Variants in ZNF608 observed in about 807,000 individuals in gnomAD.
The protein encoded by ZNF608 is renal carcinoma antigen NY-REN-36.
In ZNF608, 12 loss-of-function variants were observed where a neutral mutation model predicts 109.0. That is an observed-to-expected ratio of 0.11 (90% CI 0.07 to 0.18). The LOEUF (loss-of-function observed/expected upper bound fraction) is 0.18. Ranked by LOEUF, ZNF608 falls within the 10% of genes least tolerant of loss-of-function variation. The pLI is 1.00. For synonymous variants in ZNF608, 732 were observed against 717.4 expected (o/e 1.02, Z -0.33); for missense variants, 1,707 against 1,879.3 (o/e 0.91, Z 1.70).
chr5:124,655,967 G>T (rs78463432), intron 3 of ZNF608, among the ~76,000 whole-genome samples: 5,636 of 152,238 alleles, frequency 0.037, 158 homozygotes, highest in Non-Finnish European at 0.054. Flanking sequence ...CCCATTACCT[G>T]TGCCAAGTAT....
At chr5:124,671,221 T>C (rs1253187441) in intron 3 of ZNF608, among the ~76,000 whole-genome samples, 3 of 152,100 alleles carry the variant, frequency 2.0e-5, no homozygotes, top group African/African-American at 4.8e-5. Context: ...ACTAAGTAGA[T>C]AATAAAATAT....
At chr5:124,657,038 T>C (rs1428774212) in intron 3 of ZNF608, among the ~76,000 whole-genome samples, 1 of 152,200 alleles carries the variant, frequency 6.6e-6, no homozygotes, top group Non-Finnish European at 1.5e-5. Context: ...CATCTATTTC[T>C]TTCCCATGAA....
At chr5:124,640,912 C>T (rs1181900668) in intron 8 of ZNF608, among the ~76,000 whole-genome samples, 1 of 152,166 alleles carries the variant, frequency 6.6e-6, no homozygotes, top group Non-Finnish European at 1.5e-5. Context: ...TCCCACCATC[C>T]CTCCCTTTTT....
At chr5:124,695,498 T>C (rs1014115864) in intron 3 of ZNF608, among the ~76,000 whole-genome samples, 3 of 152,206 alleles carry the variant, frequency 2.0e-5, no homozygotes, top group Non-Finnish European at 1.5e-5. Flanking sequence ...CTGAGTGAGA[T>C]ACCTCACTAT....
At chr5:124,640,034 C>T (rs1750166317) in intron 8 of ZNF608, among the ~76,000 whole-genome samples, 1 of 152,022 alleles carries the variant, frequency 6.6e-6, no homozygotes, top group Non-Finnish European at 1.5e-5. Flanking sequence ...GTTCTTATTA[C>T]ACTCAATACA....
In ZNF608 at chr5:124,643,580, T is replaced by C. The variant is rs767623316; in HGVS notation, c.4227A>G (p.Thr1409=). The C allele has an allele frequency of 6.2e-7, 1 of 1,614,230 alleles. No individual in the cohort carries two copies. The part of the protein sequence containing the change: ...VNTSPSVNTK[T]TTESKALDLL... The stretch of plus-strand genomic sequence containing the variant: ...AATCCAGTGCTTTAGATTCAGTGGT[T>C]GTTTTCGTGTTGACGCTAGGGCTGG... The change falls in exon 7 of 10, where the codon ACA becomes ACG. Residue 1409 remains threonine (T), a synonymous_variant. Transcript: ENST00000513986.
At chr5:124,732,869 C>CCCT (rs1284123454) in intron 2 of ZNF608, among the ~76,000 whole-genome samples, 1 of 152,136 alleles carries the variant, frequency 6.6e-6, no homozygotes, top group Non-Finnish European at 1.5e-5. Context: ...GTCTTCTAGC[C>CCCT]CCTCTCTCAG....
upstream of ZNF608, chr5:124,748,550 G>A (rs1349165291): frequency 1.0e-6 from 1 of 985,392 alleles, no homozygotes. Context: ...ATTGGATCGA[G>A]TTGACCTTTT....
At chr5:124,712,227 T>A (rs771577461) in intron 2 of ZNF608, among the ~76,000 whole-genome samples, 69 of 151,504 alleles carry the variant, frequency 4.6e-4, no homozygotes, top group Non-Finnish European at 9.7e-4. Flanking sequence ...GGAGGAGAGA[T>A]CAGACTCGGG....
At chr5:124,676,007 C>T (rs1343040258) in intron 3 of ZNF608, among the ~76,000 whole-genome samples, 1 of 152,166 alleles carries the variant, frequency 6.6e-6, no homozygotes, top group Non-Finnish European at 1.5e-5. Flanking sequence ...CAGCTGGCCA[C>T]ACAAAGGCCT....
intron 3 of ZNF608, among the ~76,000 whole-genome samples, chr5:124,688,895 T>C (rs1459538830): frequency 6.6e-6 from 1 of 152,202 alleles, no homozygotes; most frequent in African/African-American, 2.4e-5. Context: ...AAGAAGGCAA[T>C]ATTTAAAAGT....
chr5:124,718,358 G>A (rs922573924), intron 2 of ZNF608, among the ~76,000 whole-genome samples: 4 of 152,204 alleles, frequency 2.6e-5, no homozygotes, highest in Non-Finnish European at 4.4e-5. Context: ...AGCTGTCAAA[G>A]AATCATGAAA....
intron 3 of ZNF608, among the ~76,000 whole-genome samples, chr5:124,688,985 T>C (rs1032749483): frequency 1.3e-5 from 2 of 152,218 alleles, no homozygotes; most frequent in Non-Finnish European, 2.9e-5. Context: ...ATCAATTTCC[T>C]ATACACCAAT....
In ZNF608 at chr5:124,641,276, G is replaced by T. The variant is rs754385666; in HGVS notation, c.4426C>A (p.Pro1476Thr). 12 of 1,613,818 alleles carry T rather than the reference G, an allele frequency of 7.4e-6. No homozygotes were observed. In the South Asian group the frequency reaches 1.3e-4, roughly 18 times the overall value. Residue 1476 changes from proline (P) to threonine (T), a missense_variant, in exon 8 of 10, where the codon CCG becomes ACG. Physicochemically the swap from Pro to Thr is conservative, Grantham distance 38. This residue lies in a region of ZNF608 where 1,073 missense variants were observed against 1,133.5 expected (regional missense o/e 0.95). Transcript: ENST00000513986. ...THVGMGYPLI[P>T]GQYDPFQGLT... ...CCTTGAAAAGGGTCATATTGACCCG[G>T]GATTAGCGGGTAACCCATGCCAACG...
chr5:124,659,068 A>T (rs1751136899), intron 3 of ZNF608, among the ~76,000 whole-genome samples: 1 of 152,134 alleles, frequency 6.6e-6, no homozygotes, highest in Non-Finnish European at 1.5e-5. Flanking sequence ...CAGACTCAGG[A>T]GGTCACTGAA....
intron 3 of ZNF608, among the ~76,000 whole-genome samples, chr5:124,652,054 C>T (rs939955771): frequency 5.9e-5 from 9 of 152,232 alleles, no homozygotes; most frequent in Admixed American, 4.6e-4. Flanking sequence ...CGAAATTCAC[C>T]GTCTCAATAC....
intron 7 of ZNF608, among the ~76,000 whole-genome samples, 173 bp downstream of exon 7, chr5:124,643,336 CAT>C (rs1455556540): frequency 2.0e-5 from 3 of 152,194 alleles, no homozygotes; most frequent in South Asian, 2.1e-4. Context: ...AATTTTCTCT[CAT>C]GTGTGAAAGC....
rs563878004 is a variant in ZNF608, at chr5:124,692,481, C to G, written c.1162+8533G>C. Among the ~76,000 whole-genome samples the G allele has an allele frequency of 1.6e-4, 25 of 152,310 alleles. No individual in the cohort carries two copies. The South Asian group carries it at 3.3e-3, about 20-fold the overall frequency. On this transcript the variant is annotated intron_variant, in intron 3 of 9. Coordinates refer to ENST00000513986, the MANE Select transcript of ZNF608 (RefSeq NM_020747.3). ...AAAATGATGGTTTGTATACATCAAC[C>G]CAGCTGAAGCTGATTCAAATACTAC...
chr5:124,726,190 TC>T (rs578240631), intron 2 of ZNF608, among the ~76,000 whole-genome samples: 133 of 152,144 alleles, frequency 8.7e-4, no homozygotes, highest in South Asian at 7.7e-3. Flanking sequence ...TGGGTTTTCT[TC>T]CCCCTCAATG....
Sources: gnomAD v4.1 joint callset for allele counts (sites outside exome capture counted in the v4.1 genomes callset) on GRCh38, gnomAD v4.1.1 for gene constraint, gnomAD v4.1.1 regional missense constraint, MANE v1.5 for transcripts, NCBI Gene and HGNC (gene_info 2026-07-23, HGNC 2026-07-21) for gene names.